SNX29: variants seen among roughly 807,000 people sequenced by gnomAD.
The protein encoded by SNX29 is sorting nexin-29.
SNX29 carries 78 observed loss-of-function variants against 102.1 expected under a neutral mutation model. The ratio of observed to expected loss-of-function variants is 0.76; its 90% CI spans 0.64 to 0.92. The LOEUF is 0.92. Among genes scored for constraint, SNX29 ranks in the 40% least tolerant of loss-of-function variants. SNX29 has a pLI of 0.00. For synonymous variants in SNX29, 580 were observed against 414.5 expected (o/e 1.40, Z -4.85); for missense variants, 1,280 against 1,061.7 (o/e 1.21, Z -2.86).
intron 14 of SNX29, among the ~76,000 whole-genome samples, chr16:12,228,452 C>T (rs1262351207): frequency 6.6e-6 from 1 of 152,262 alleles, no homozygotes; most frequent in Non-Finnish European, 1.5e-5. Context: ...ACAGCAGCAG[C>T]ATCCTGCTCT....
At chr16:12,539,952 C>A (rs371376313) in intron 20 of SNX29, among the ~76,000 whole-genome samples, 1 of 152,188 alleles carries the variant, frequency 6.6e-6, no homozygotes, top group Non-Finnish European at 1.5e-5. Flanking sequence ...AGACCTTTGT[C>A]GAACATGTGA....
At chr16:11,982,109 A>C (rs575086311) in intron 1 of SNX29, among the ~76,000 whole-genome samples, 32 of 152,238 alleles carry the variant, frequency 2.1e-4, no homozygotes, top group African/African-American at 6.3e-4. Flanking sequence ...ATTAAAACAT[A>C]CTGAAGACAA....
chr16:12,289,563 C>G (rs890380377), intron 15 of SNX29, among the ~76,000 whole-genome samples: 5 of 152,152 alleles, frequency 3.3e-5, no homozygotes, highest in Admixed American at 6.5e-5. Flanking sequence ...TGTTCTGTTT[C>G]GCTTCCATTT....
intron 20 of SNX29, among the ~76,000 whole-genome samples, chr16:12,553,281 G>C (rs767495754): frequency 6.6e-6 from 1 of 152,240 alleles, no homozygotes; most frequent in Non-Finnish European, 1.5e-5. Context: ...GGGGCACAGA[G>C]TAAGAGGAAA....
At chr16:12,565,797 C>T (rs534654402) in intron 20 of SNX29, among the ~76,000 whole-genome samples, 29 of 152,330 alleles carry the variant, frequency 1.9e-4, no homozygotes, top group Admixed American at 1.1e-3. Context: ...GGGCCCTTTA[C>T]ACAGCAACCC....
intron 20 of SNX29, among the ~76,000 whole-genome samples, chr16:12,529,523 C>A (rs972265591): frequency 6.6e-6 from 1 of 152,098 alleles, no homozygotes; most frequent in Non-Finnish European, 1.5e-5. Context: ...TGGTTTTCTG[C>A]AGAGTAATTT....
intron 13 of SNX29, among the ~76,000 whole-genome samples, chr16:12,189,316 C>G (rs1421231533): frequency 6.6e-6 from 1 of 152,200 alleles, no homozygotes; most frequent in Non-Finnish European, 1.5e-5. Flanking sequence ...TCCGGAATGA[C>G]ACATGGCATG....
rs552838060 is a variant in SNX29 at position 12,163,682 on chromosome 16, G to T, written c.1595+33924G>T. 8.5e-5 allele frequency among the ~76,000 whole-genome samples: 13 copies of T among 152,278 alleles called. No individual in the cohort carries two copies. The East Asian group carries it at 2.5e-3, about 29-fold the overall frequency. ...TGCCCCACATGGGTCTTGGTCTAGG[G>T]TGGGGTCTTGGGAGGATTTGTATTT... is the stretch of plus-strand genomic sequence containing the variant. On this transcript the variant is annotated intron_variant, in intron 13 of 20. Coordinates refer to ENST00000566228, the MANE Select transcript of SNX29 (RefSeq NM_032167.5).
At chr16:12,540,404 C>G (rs1035748994) in intron 20 of SNX29, among the ~76,000 whole-genome samples, 1 of 152,212 alleles carries the variant, frequency 6.6e-6, no homozygotes, top group African/African-American at 2.4e-5. Flanking sequence ...AAGTTAGTGG[C>G]TAAAAACTAC....
chr16:12,391,597 T>G (rs1363346477), intron 16 of SNX29, among the ~76,000 whole-genome samples: 1 of 152,200 alleles, frequency 6.6e-6, no homozygotes, highest in Non-Finnish European at 1.5e-5. Flanking sequence ...TATCATCTGT[T>G]TTTTTATCCA....
intron 19 of SNX29, among the ~76,000 whole-genome samples, chr16:12,515,988 G>C (rs1263592360): frequency 6.6e-6 from 1 of 152,164 alleles, no homozygotes; most frequent in Non-Finnish European, 1.5e-5. Flanking sequence ...GAAAGGGGAA[G>C]GGGAAGCAGG....
At chr16:12,148,749 G>A (rs1234018630) in intron 13 of SNX29, among the ~76,000 whole-genome samples, 1 of 152,116 alleles carries the variant, frequency 6.6e-6, no homozygotes, top group Non-Finnish European at 1.5e-5. Context: ...CCAGGCTGGA[G>A]TACAATGGCA....
rs899964265 is a variant in SNX29, at chr16:12,098,309, G to A, written c.1402+19394G>A. On this transcript the variant is annotated intron_variant, in intron 11 of 20. Transcript: ENST00000566228. The surrounding 1 kb of genome is among the most constrained non-coding windows in gnomAD (Gnocchi z 6.0). ...ACATGGAACAAAACTCAAAAGGTAC[G>A]TATGGGATACCGTAAAGGATTTCTC... is the stretch of plus-strand genomic sequence containing the variant. Among the ~76,000 whole-genome samples the A allele has an allele frequency of 6.6e-6, 1 of 152,122 alleles. No individual in the cohort carries two copies. The highest frequency in any genetic ancestry group is 6.5e-5 in the Admixed American group (1 of 15,286).
intron 4 of SNX29, 109 bp from the exon 5 acceptor site, chr16:12,042,788 G>A (rs1213911074): frequency 1.8e-6 from 2 of 1,119,996 alleles, no homozygotes; most frequent in Non-Finnish European, 1.3e-6. Flanking sequence ...TCCATGCTAA[G>A]GGGATACTCT....
At chr16:12,396,125 C>G (rs142352532) in intron 16 of SNX29, among the ~76,000 whole-genome samples, 84 of 152,330 alleles carry the variant, frequency 5.5e-4, no homozygotes, top group African/African-American at 1.9e-3. Flanking sequence ...CCTGGGTACG[C>G]ATATCCCCTG....
At chr16:12,286,511 A>T (rs535315661) in intron 15 of SNX29, among the ~76,000 whole-genome samples, 15 of 151,628 alleles carry the variant, frequency 9.9e-5, no homozygotes, top group African/African-American at 3.1e-4. Flanking sequence ...TGTGAGGTTA[A>T]TTTTTTTGTA....
intron 16 of SNX29, among the ~76,000 whole-genome samples, chr16:12,388,398 G>A (rs977741614): frequency 6.6e-6 from 1 of 152,136 alleles, no homozygotes; most frequent in African/African-American, 2.4e-5. Flanking sequence ...GGAGCCAGGG[G>A]CCTCTTTTGA....
intron 11 of SNX29, chr16:12,087,849 C>T: frequency 2.2e-6 from 1 of 456,936 alleles, no homozygotes; most frequent in Non-Finnish European, 4.4e-6. Context: ...GTTGACGTGG[C>T]TGGGAAGCAG....
In SNX29 at chr16:12,536,513, G is replaced by T. The variant is rs1235899189; in HGVS notation, c.2318+11672G>T. 2.0e-5 allele frequency among the ~76,000 whole-genome samples: 3 copies of T among 152,166 alleles called. No individual in the cohort carries two copies. The East Asian group carries it at 5.8e-4, about 29-fold the overall frequency. ...GGATTAGAACCTTTAGGGACTTCAT[G>T]CCTCTATTTTCCCCTCTGTAAAATG... On this transcript the variant is annotated intron_variant, in intron 20 of 20. Transcript: ENST00000566228.
Sources: gnomAD v4.1 joint callset for allele counts (sites outside exome capture counted in the v4.1 genomes callset) on GRCh38, gnomAD v4.1.1 for gene constraint, Gnocchi (gnomAD v3.1) non-coding constraint, MANE v1.5 for transcripts, NCBI Gene and HGNC (gene_info 2026-07-23, HGNC 2026-07-21) for gene names.